The following TMEM62 variants were observed in gnomAD, a reference collection of about 807,000 sequenced individuals.
TMEM62 encodes the protein transmembrane protein 62.
A neutral mutation model predicts 70.4 loss-of-function variants in TMEM62; 41 were observed. The observed-to-expected ratio is 0.58, with a 90% CI of 0.45 to 0.76. TMEM62 has a LOEUF of 0.76. Ranked by LOEUF, TMEM62 falls within the 30% of genes least tolerant of loss-of-function variation. The pLI is 0.00. For synonymous variants in TMEM62, 268 were observed against 291.0 expected, an observed-to-expected ratio of 0.92 and a Z score of 0.80; for missense variants, 688 against 788.5, an observed-to-expected ratio of 0.87 and a Z score of 1.53.
At chr15:43,156,812 A>T (rs1189467155) in intron 9 of TMEM62, among the ~76,000 whole-genome samples, 1 of 152,194 alleles carries the variant, frequency 6.6e-6, no homozygotes, top group Non-Finnish European at 1.5e-5. Flanking sequence ...GTGAGTTTTG[A>T]CATATGTATA....
At chr15:43,178,552 A>G in intron 11 of TMEM62, 55 bp from the exon 12 acceptor site, 2 of 1,136,624 alleles carry the variant, frequency 1.8e-6, no homozygotes, top group South Asian at 2.7e-5. Flanking sequence ...AAAATGTCAT[A>G]AAGAAACTGA....
Position 43,184,276 on chromosome 15 carries a change from TC to T in TMEM62, c.1626del (p.Leu543Ter), listed in dbSNP as rs1219579970. The T allele has an allele frequency of 6.2e-7, 1 of 1,611,684 alleles. No individual in the cohort carries two copies. Among genetic ancestry groups the T allele is most frequent in the Non-Finnish European group, 8.5e-7 (1 of 1,178,848 alleles). ...IGILQLAFFN[I>X]PLMAYMCWSL... ...CTTTTCCAGCTGGCGTTTTTTAACA[TC>T]CCCTTGATGGCTTACATGTGTTGGA... On this transcript the variant is annotated frameshift_variant, in exon 14 of 14. Transcript: ENST00000260403. LOFTEE classifies it high-confidence loss of function.
At chr15:43,133,404 TA>T (rs1446222334), upstream of TMEM62, 2 of 183,010 alleles carry the variant, frequency 1.1e-5, no homozygotes, top group Admixed American at 1.2e-4. Context: ...GTTTTACAGG[TA>T]AGGAGATCGA....
At chr15:43,183,943 G>T in intron 13 of TMEM62, 4 of 290,798 alleles carry the variant, frequency 1.4e-5, no homozygotes, top group Non-Finnish European at 2.5e-5. Context: ...AGGGGTTGTT[G>T]TATGTGTGTG....
intron 5 of TMEM62, among the ~76,000 whole-genome samples, chr15:43,147,667 CT>C (rs2141634391): frequency 6.6e-6 from 1 of 152,288 alleles, no homozygotes; most frequent in South Asian, 2.1e-4. Context: ...CATTGTGTTA[CT>C]TTAGGCATTT....
At position 43,184,506 on chromosome 15, in the gene TMEM62, C is replaced by G. The variant is rs768055952; in HGVS notation, c.1852C>G (p.Leu618Val). The change falls in exon 14 of 14, where the codon CTC becomes GTC. Residue 618 changes from leucine (L) to valine (V), a missense_variant. Coordinates refer to ENST00000260403, the MANE Select transcript of TMEM62 (RefSeq NM_024956.4). ...CTGGTTGACACTGCTGACACCTGTTCTCATTCGTTATGTGTGGACACTGAA... is the reference window on the plus strand; with the variant it reads ...CTGGTTGACACTGCTGACACCTGTTGTCATTCGTTATGTGTGGACACTGAA... ...RTWLTLLTPV[L>V]IRYVWTLNST... 6.2e-6 allele frequency: 10 copies of G among 1,613,816 alleles called. No homozygotes were observed. The highest frequency in any genetic ancestry group is 8.5e-6 in the Non-Finnish European group (10 of 1,180,020).
intron 9 of TMEM62, chr15:43,160,472 T>C: frequency 2.2e-6 from 1 of 459,926 alleles, no homozygotes; most frequent in Non-Finnish European, 3.9e-6. Context: ...CCACAGAAGA[T>C]GAAAGCTGCA....
intron 7 of TMEM62, among the ~76,000 whole-genome samples, chr15:43,150,567 CTTG>C (rs1379770596): frequency 6.6e-6 from 1 of 152,132 alleles, no homozygotes; most frequent in Non-Finnish European, 1.5e-5. Context: ...TAGGCTAGGC[CTTG>C]TTGTAGATGC....
In TMEM62 at chr15:43,164,549, G is replaced by A. The variant is rs933468792; in HGVS notation, c.1296+3755G>A. The stretch of plus-strand genomic sequence containing the variant: ...ATTTTTACTTTTTTTTTGTAGAGAC[G>A]GGGTCTCACTTTGTTGCCTAGACTG... On this transcript the variant is annotated intron_variant, in intron 10 of 13. Transcript: ENST00000260403. Among the ~76,000 whole-genome samples, 8 of 150,934 alleles carry A rather than the reference G, an allele frequency of 5.3e-5. 1 individual carries two copies. Among genetic ancestry groups the A allele is most frequent in the African/African-American group, 7.3e-5 (3 of 41,078 alleles).
Position 43,133,824 on chromosome 15 carries a change from AG to A in TMEM62, c.25del (p.Val9TrpfsTer58). The A allele has an allele frequency of 4.1e-6, 6 of 1,447,896 alleles. No individual in the cohort carries two copies. The highest frequency in any genetic ancestry group is 5.4e-6 in the Non-Finnish European group (6 of 1,107,190). 89.7% of individuals were successfully genotyped at this position (1,447,896 alleles called of 1,614,324 possible). A position where few individuals can be genotyped will look rare whatever the true frequency, so the allele number is the denominator to read the frequency against. MAAVLAL[R>X]VVAGLAAAAL... ...CGGCATGGCTGCAGTGCTGGCTCTC[AG>A]GGTGGTCGCGGGGTTGGCGGCCGCA... On this transcript the variant is annotated frameshift_variant, in exon 1 of 14. Transcript: ENST00000260403. LOFTEE classifies it high-confidence loss of function.
In TMEM62 at chr15:43,133,950, C is replaced by T. The variant is rs770602916; in HGVS notation, c.148C>T (p.Pro50Ser). Residue 50 changes from proline (P) to serine (S), a missense_variant, in exon 1 of 14, where the codon CCC (proline) becomes TCC (serine). By Grantham distance (74) the Pro-to-Ser change is moderately conservative. Transcript: ENST00000260403. ...PPRRPHPAPG[P>S]GDSNIFWGLQ... ...CAGGAGGCCGCACCCTGCGCCAGGG[C>T]CCGGAGACAGCAACATCTTCTGGGG... 1.6e-4 allele frequency: 241 copies of T among 1,467,946 alleles called. No homozygotes were observed. Among genetic ancestry groups the T allele is most frequent in the Middle Eastern group, 1.2e-3 (5 of 4,124 alleles). The allele number at this position is 1,467,946 out of a possible 1,614,324, so 90.9% of individuals were successfully genotyped here. A position where few individuals can be genotyped will look rare whatever the true frequency, so the allele number is the denominator to read the frequency against.
intron 3 of TMEM62, among the ~76,000 whole-genome samples, chr15:43,136,640 G>A (rs1432069098): frequency 6.6e-6 from 1 of 150,886 alleles, no homozygotes; most frequent in African/African-American, 2.4e-5. Context: ...ATTTTTAGAA[G>A]AGGTGGGGTT....
Position 43,184,885 on chromosome 15 carries a change from G to A in TMEM62, c.*299G>A. ...GACATCCACAGGGTAGAGGTTGGGT[G>A]TGTGTACGGGAGTGTCTGAGGCCCA... On this transcript the variant is annotated 3_prime_UTR_variant, in exon 14 of 14. Coordinates refer to ENST00000260403, the MANE Select transcript of TMEM62 (RefSeq NM_024956.4). 2.3e-6 allele frequency: 1 copy of A among 428,274 alleles called. No homozygotes were observed. Among genetic ancestry groups the A allele is most frequent in the East Asian group, 4.2e-5 (1 of 23,902 alleles). The allele number at this position is 428,274 out of a possible 1,614,324, so 26.5% of individuals were successfully genotyped here. A position where few individuals can be genotyped will look rare whatever the true frequency, so the allele number is the denominator to read the frequency against.
At chr15:43,142,427 T>A (rs1012847541) in intron 4 of TMEM62, among the ~76,000 whole-genome samples, 2 of 152,146 alleles carry the variant, frequency 1.3e-5, no homozygotes, top group South Asian at 4.2e-4. Flanking sequence ...CCTCCCAAAG[T>A]GCTGGGATTA....
In TMEM62 at chr15:43,184,478, G is replaced by A; in HGVS notation, c.1824G>A (p.Arg608=). The A allele has an allele frequency of 6.2e-7, 1 of 1,614,066 alleles. No homozygotes were observed. The highest frequency in any genetic ancestry group is 1.1e-5 in the South Asian group (1 of 91,084). The change falls in exon 14 of 14, where the codon CGG becomes CGA. Residue 608 remains arginine (R), a synonymous_variant. Transcript: ENST00000260403. ...GTLAFLFSPL[R]TWLTLLTPVL... is the part of the protein sequence containing the mutation. ...TAGCTTTTTTATTCTCCCCTTTGCG[G>A]ACCTGGTTGACACTGCTGACACCTG...
intron 10 of TMEM62, among the ~76,000 whole-genome samples, chr15:43,167,174 C>G (rs1057409046): frequency 9.9e-5 from 15 of 151,364 alleles, no homozygotes; most frequent in African/African-American, 3.6e-4. Flanking sequence ...GCTGACCCCC[C>G]CACCTCCCTC....
intron 5 of TMEM62, among the ~76,000 whole-genome samples, chr15:43,147,861 C>T (rs1038580776): frequency 1.1e-4 from 16 of 152,114 alleles, no homozygotes; most frequent in African/African-American, 3.9e-4. Context: ...CCAGACTTAT[C>T]AAATTAAAAA....
chr15:43,142,135 C>A (rs77270943), intron 4 of TMEM62, among the ~76,000 whole-genome samples: 14,865 of 150,580 alleles, frequency 0.099, 1,029 homozygotes, highest in Non-Finnish European at 0.14. Flanking sequence ...AAAATGCTAT[C>A]AAGCAGCATT....
intron 4 of TMEM62, among the ~76,000 whole-genome samples, chr15:43,140,924 A>C (rs972993333): frequency 1.3e-5 from 2 of 152,176 alleles, no homozygotes; most frequent in Non-Finnish European, 2.9e-5. Flanking sequence ...TGCCACCAGG[A>C]AGAAAGCTTG....
Sources: allele counts gnomAD v4.1 joint callset (sites outside exome capture counted in the v4.1 genomes callset), GRCh38; gene constraint gnomAD v4.1.1; transcripts MANE v1.5; gene names NCBI Gene and HGNC (gene_info 2026-07-23, HGNC 2026-07-21).